Variants in NCOR2 observed in about 807,000 individuals in gnomAD.
NCOR2 encodes CTG repeat protein 26.
In NCOR2, 81 loss-of-function variants were observed where a neutral mutation model predicts 262.9. That is an observed-to-expected ratio of 0.31 (90% CI 0.26 to 0.37). NCOR2 has a LOEUF of 0.37. Among genes scored for constraint, NCOR2 ranks in the 10% least tolerant of loss-of-function variants. The probability of loss-of-function intolerance (pLI) is 1.00; values close to 1 mark genes in which losing one functional copy is unlikely to be tolerated. For missense variants in NCOR2, 3,385 were observed against 3,621.4 expected (o/e 0.93, Z 1.68); for synonymous variants, 1,659 against 1,559.3 (o/e 1.06, Z -1.51).
chr12:124,474,947 C>T (rs1010311961), intron 3 of NCOR2, among the ~76,000 whole-genome samples: 9 of 152,060 alleles, frequency 5.9e-5, no homozygotes, highest in South Asian at 2.1e-4. Flanking sequence ...AACTGCAGCC[C>T]GGGGGCCACC....
intron 1 of NCOR2, among the ~76,000 whole-genome samples, chr12:124,564,121 T>C (rs945862412): frequency 6.6e-6 from 1 of 152,262 alleles, no homozygotes; most frequent in Non-Finnish European, 1.5e-5. Flanking sequence ...TTCTTATTAC[T>C]AGCGTATGAT....
At chr12:124,498,249 G>A (rs1202474712), upstream of NCOR2, among the ~76,000 whole-genome samples, 2 of 152,198 alleles carry the variant, frequency 1.3e-5, no homozygotes, top group East Asian at 1.9e-4. Context: ...CTGCCTGGGG[G>A]TGACAGGCCC....
chr12:124,473,086 G>C, exon 4 of NCOR2: 1 of 1,614,028 alleles, frequency 6.2e-7, no homozygotes, highest in Non-Finnish European at 8.5e-7. Flanking sequence ...GTGTGCGGGG[G>C]GCTGGGGGGA....
intron 8 of NCOR2, among the ~76,000 whole-genome samples, chr12:124,433,873 C>CAAACACAA (rs1555222674): frequency 1.0e-5 from 1 of 96,300 alleles, no homozygotes; most frequent in Non-Finnish European, 1.9e-5. Flanking sequence ...CACACACACA[C>CAAACACAA]ACACACACAC....
chr12:124,543,812 C>T (rs2051456321), intron 1 of NCOR2, among the ~76,000 whole-genome samples: 2 of 152,228 alleles, frequency 1.3e-5, no homozygotes, highest in Non-Finnish European at 2.9e-5. Context: ...CACGCGGCAG[C>T]ACGGAAAGGC....
At chr12:124,456,701 G>A (rs2045879213) in intron 6 of NCOR2, among the ~76,000 whole-genome samples, 1 of 152,218 alleles carries the variant, frequency 6.6e-6, no homozygotes, top group Non-Finnish European at 1.5e-5. Flanking sequence ...CCCGCTCAGG[G>A]TCACACCGCC....
intron 18 of NCOR2, among the ~76,000 whole-genome samples, chr12:124,376,865 C>A (rs2040043968): frequency 1.3e-5 from 2 of 152,188 alleles, no homozygotes; most frequent in South Asian, 4.1e-4. Context: ...GTTGAATTCA[C>A]CAAGGACTTG....
chr12:124,554,499 C>T (rs988179213), intron 1 of NCOR2, among the ~76,000 whole-genome samples: 44 of 152,332 alleles, frequency 2.9e-4, no homozygotes, highest in African/African-American at 1.0e-3. Context: ...AAAAGCCAGG[C>T]GCCCCCTTCT....
intron 13 of NCOR2, among the ~76,000 whole-genome samples, chr12:124,408,446 T>A: frequency 6.6e-6 from 1 of 152,186 alleles, no homozygotes; most frequent in African/African-American, 2.4e-5. Flanking sequence ...ACACTTAACC[T>A]TACAATTAAA....
chr12:124,353,965 G>T, intron 27 of NCOR2, 128 bp downstream of exon 29: 1 of 819,324 alleles, frequency 1.2e-6, no homozygotes, highest in South Asian at 1.6e-5. Context: ...TTCATGGAGT[G>T]AACTGCTGTC....
upstream of NCOR2, chr12:124,495,372 C>A: frequency 7.0e-7 from 1 of 1,437,996 alleles, no homozygotes; most frequent in African/African-American, 1.4e-5. The surrounding 1 kb of genome is among the most constrained non-coding windows in gnomAD (Gnocchi z 4.4). Context: ...CTGGCACCTG[C>A]GGGAAAACAA....
intron 1 of NCOR2, among the ~76,000 whole-genome samples, chr12:124,521,513 C>T (rs2050187400): frequency 6.6e-6 from 1 of 152,168 alleles, no homozygotes; most frequent in African/African-American, 2.4e-5. Flanking sequence ...AGCCAAAACC[C>T]ACAGTGCATG....
At chr12:124,383,899 G>A (rs1038710912) in intron 17 of NCOR2, among the ~76,000 whole-genome samples, 4 of 152,170 alleles carry the variant, frequency 2.6e-5, no homozygotes, top group African/African-American at 9.7e-5. Flanking sequence ...CCACTCTCAG[G>A]TTTTGGAGTC....
intron 7 of NCOR2, among the ~76,000 whole-genome samples, chr12:124,442,375 A>G (rs1323908672): frequency 1.3e-5 from 2 of 152,184 alleles, no homozygotes; most frequent in East Asian, 3.9e-4. Context: ...CCTAGCCTCA[A>G]GTGATCCTCC....
chr12:124,334,940 G>C, intron 40 of NCOR2, 195 bp downstream of exon 42: 1 of 755,342 alleles, frequency 1.3e-6, no homozygotes, highest in Non-Finnish European at 2.1e-6. Context: ...CATGGATTAG[G>C]GGGCGGTGAT....
chr12:124,496,781 C>CA (rs1454613224), upstream of NCOR2, among the ~76,000 whole-genome samples: 2 of 145,856 alleles, frequency 1.4e-5, no homozygotes, highest in African/African-American at 5.0e-5. This position sits in a 1 kb window ranked among gnomAD's most constrained non-coding sequence, Gnocchi z 4.4. Flanking sequence ...CCTGGCCAAT[C>CA]AGAGTCCTGC....
chr12:124,480,424 C>G (rs1269583951), intron 3 of NCOR2, among the ~76,000 whole-genome samples: 2 of 152,232 alleles, frequency 1.3e-5, no homozygotes, highest in Non-Finnish European at 2.9e-5. Flanking sequence ...TCTGGGGACA[C>G]TGCCTGCGAT....
chr12:124,553,867 G>A (rs2051795722), intron 1 of NCOR2, among the ~76,000 whole-genome samples: 1 of 152,204 alleles, frequency 6.6e-6, no homozygotes, highest in African/African-American at 2.4e-5. Flanking sequence ...ACCCACGGGA[G>A]GAGACGTCCA....
chr12:124,409,035 C>T (rs1443508840), intron 13 of NCOR2, among the ~76,000 whole-genome samples: 2 of 152,218 alleles, frequency 1.3e-5, no homozygotes, highest in Non-Finnish European at 2.9e-5. Flanking sequence ...ACGCAGCTTC[C>T]CCCTACAGAA....
Sources: allele counts gnomAD v4.1 joint callset (sites outside exome capture counted in the v4.1 genomes callset), GRCh38; gene constraint gnomAD v4.1.1; non-coding constraint Gnocchi (gnomAD v3.1); transcripts MANE v1.5; gene names NCBI Gene and HGNC (gene_info 2026-07-23, HGNC 2026-07-21).